Variants in NRCAM observed in about 807,000 individuals in gnomAD.
NRCAM encodes NgCAM-related cell adhesion molecule.
A neutral mutation model predicts 156.5 loss-of-function variants in NRCAM; 83 were observed. The ratio of observed to expected loss-of-function variants is 0.53; its 90% CI spans 0.44 to 0.64. NRCAM has a LOEUF of 0.64. Among genes scored for constraint, NRCAM ranks in the 30% least tolerant of loss-of-function variants. The pLI, the probability that NRCAM is intolerant of heterozygous loss-of-function variation, is 0.00. For missense variants in NRCAM, 1,417 were observed against 1,597.3 expected (o/e 0.89, Z 1.92); for synonymous variants, 538 against 563.9 (o/e 0.95, Z 0.65).
At chr7:108,307,694 C>A (rs11768003) in intron 3 of NRCAM, among the ~76,000 whole-genome samples, 5 of 149,070 alleles carry the variant, frequency 3.4e-5, no homozygotes, top group Non-Finnish European at 5.9e-5. Context: ...AAAAAAAAAA[C>A]CCAAGCATCT....
chr7:108,163,780 G>A (rs984921258), intron 30 of NRCAM, among the ~76,000 whole-genome samples: 1 of 132,516 alleles, frequency 7.5e-6, no homozygotes, highest in Non-Finnish European at 1.6e-5. Flanking sequence ...GTGGGGTGGC[G>A]GTAATGAGAG....
At chr7:108,295,873 G>A (rs2098444347) in intron 3 of NRCAM, among the ~76,000 whole-genome samples, 1 of 152,180 alleles carries the variant, frequency 6.6e-6, no homozygotes, top group Non-Finnish European at 1.5e-5. Flanking sequence ...AGCCTCTGCA[G>A]GGCACAGAGG....
At position 108,249,165 on chromosome 7, in the gene NRCAM, T is replaced by C. The variant is rs534392438; in HGVS notation, c.-106-8995A>G. On this transcript the variant is annotated intron_variant, in intron 3 of 32. Transcript: ENST00000379028. Reference sequence around the variant, plus strand: ...TCACTCCCAACATGTCACAGATTACTACAATCTTCCCAGCCACATTTCAAA... The same window carrying C: ...TCACTCCCAACATGTCACAGATTACCACAATCTTCCCAGCCACATTTCAAA... Among the ~76,000 whole-genome samples, 9 of 152,352 alleles carry C rather than the reference T, an allele frequency of 5.9e-5. No individual in the cohort carries two copies. The East Asian group carries it at 1.7e-3, about 29-fold the overall frequency.
intron 3 of NRCAM, among the ~76,000 whole-genome samples, chr7:108,308,218 C>A (rs1017492534): frequency 3.9e-5 from 6 of 152,342 alleles, no homozygotes; most frequent in Middle Eastern, 3.4e-3. Context: ...CAGGGCAGTG[C>A]CCCTGCCTTT....
chr7:108,412,559 A>G (rs1293929124), intron 1 of NRCAM, among the ~76,000 whole-genome samples: 1 of 152,198 alleles, frequency 6.6e-6, no homozygotes, highest in Non-Finnish European at 1.5e-5. Flanking sequence ...TATGGTAAGA[A>G]CACTTAAAAC....
chr7:108,382,866 A>G (rs2099707863), intron 2 of NRCAM, among the ~76,000 whole-genome samples: 1 of 152,188 alleles, frequency 6.6e-6, no homozygotes, highest in Admixed American at 6.5e-5. Context: ...CCAGAAAAGC[A>G]CTGTGGAACA....
intron 2 of NRCAM, among the ~76,000 whole-genome samples, chr7:108,345,604 T>C (rs2099347505): frequency 6.6e-6 from 1 of 152,022 alleles, no homozygotes; most frequent in Non-Finnish European, 1.5e-5. Flanking sequence ...GTCTTCATGA[T>C]GGGATTAATG....
intron 2 of NRCAM, among the ~76,000 whole-genome samples, chr7:108,331,718 T>C (rs2099129125): frequency 6.6e-6 from 1 of 151,894 alleles, no homozygotes; most frequent in African/African-American, 2.4e-5. Flanking sequence ...GATGATTCTT[T>C]CAGGACTTCA....
At chr7:108,374,125 C>T (rs1378134395) in intron 2 of NRCAM, among the ~76,000 whole-genome samples, 1 of 152,110 alleles carries the variant, frequency 6.6e-6, no homozygotes, top group South Asian at 2.1e-4. Context: ...TAACCTAATA[C>T]TTAGTACTGA....
At chr7:108,431,158 T>C (rs1379652790) in intron 1 of NRCAM, among the ~76,000 whole-genome samples, 1 of 152,232 alleles carries the variant, frequency 6.6e-6, no homozygotes, top group Non-Finnish European at 1.5e-5. Context: ...GCATTGTTTA[T>C]GTCAGCAGGG....
chr7:108,242,068 G>A (rs958769270), intron 3 of NRCAM, among the ~76,000 whole-genome samples: 50 of 151,984 alleles, frequency 3.3e-4, no homozygotes, highest in African/African-American at 1.2e-3. Context: ...AAGGTCAGGA[G>A]TTTGAGACCA....
At chr7:108,375,448 T>C (rs192541975) in intron 2 of NRCAM, among the ~76,000 whole-genome samples, 39 of 152,264 alleles carry the variant, frequency 2.6e-4, no homozygotes, top group African/African-American at 8.9e-4. Context: ...CCACTGCCAA[T>C]GTTAGCACAT....
chr7:108,255,319 G>A (rs898631199), intron 3 of NRCAM, among the ~76,000 whole-genome samples: 4 of 152,232 alleles, frequency 2.6e-5, no homozygotes, highest in Non-Finnish European at 4.4e-5. Context: ...GGTGTGCGCC[G>A]CCACGCCTGA....
chr7:108,194,346 G>C lies in NRCAM; in HGVS notation c.1546C>G (p.Gln516Glu). 1 of 1,613,064 alleles carries C rather than the reference G, an allele frequency of 6.2e-7. No homozygotes were observed. Among genetic ancestry groups the C allele is most frequent in the Non-Finnish European group, 8.5e-7 (1 of 1,179,340 alleles). The change falls in exon 16 of 33, where the codon CAA becomes GAA. Residue 516 changes from glutamine (Q) to glutamate (E), a missense_variant. Gln to Glu is a conservative substitution (Grantham distance 29, BLOSUM62 2). This residue lies in a region of NRCAM where 1,238 missense variants were observed against 1,336.4 expected (regional missense o/e 0.93). Transcript: ENST00000379028. ...GTATAAGTTCCTGTACTGTCCTTTT[G>C]GGCCACAGGAATTTCCAAAGTTCCA... is the stretch of plus-strand genomic sequence containing the variant. ...ENGTLEIPVA[Q>E]KDSTGTYTCV...
rs1292917918 is a variant in NRCAM at position 108,299,105 on chromosome 7, C to CAAAAAAAAAAAAAAAA, written c.-107+13559_-107+13560insTTTTTTTTTTTTTTTT. 1.1e-3 allele frequency among the ~76,000 whole-genome samples: 18 copies of CAAAAAAAAAAAAAAAA among 16,946 alleles called. 1 individual carries two copies. Among genetic ancestry groups the CAAAAAAAAAAAAAAAA allele is most frequent in the Non-Finnish European group, 1.7e-3 (15 of 8,670 alleles). The allele number at this position is 16,946 out of a possible 152,430, so 11.1% of individuals were successfully genotyped here. A position where few individuals can be genotyped will look rare whatever the true frequency, so the allele number is the denominator to read the frequency against. ...TGGGCCACAGAGCAAGACTCCATCT[C>CAAAAAAAAAAAAAAAA]AAAAAAAAAAAAGAAAGAAAGAAAG... On this transcript the variant is annotated intron_variant, in intron 3 of 32. Transcript: ENST00000379028.
At chr7:108,332,580 A>G (rs2099137811) in intron 2 of NRCAM, among the ~76,000 whole-genome samples, 1 of 152,220 alleles carries the variant, frequency 6.6e-6, no homozygotes, top group African/African-American at 2.4e-5. Context: ...TGTGACAACT[A>G]AGAACGATTC....
At chr7:108,237,674 A>T in intron 5 of NRCAM, 78 bp downstream of exon 5, 1 of 1,093,400 alleles carries the variant, frequency 9.1e-7, no homozygotes, top group Non-Finnish European at 1.3e-6. Context: ...TTGTGCATTT[A>T]AATCACAATA....
rs1237722534 is a variant in NRCAM at position 108,149,975 on chromosome 7, G to A, written c.3850C>T (p.Pro1284Ser). 4 of 1,613,802 alleles carry A rather than the reference G, an allele frequency of 2.5e-6. No individual in the cohort carries two copies. In the African/African-American group the frequency reaches 5.3e-5, roughly 22 times the overall value. Residue 1284 changes from proline (P) to serine (S), a missense_variant, in exon 33 of 33, where the codon CCG (proline) becomes TCG (serine). Pro to Ser is a moderately conservative substitution (Grantham distance 74, BLOSUM62 -1). This residue lies in a region of NRCAM where 179 missense variants were observed against 260.9 expected (regional missense o/e 0.69). Transcript: ENST00000379028. Reference protein sequence around the residue: ...GQYSGKKEKEPAEGNESSEAP... With the variant: ...GQYSGKKEKESAEGNESSEAP... ...TCTGAGCTTTCGTTTCCTTCAGCCGGCTCTTTCTCTTTCTTACCACTGTAT... is the reference window on the plus strand; with the variant it reads ...TCTGAGCTTTCGTTTCCTTCAGCCGACTCTTTCTCTTTCTTACCACTGTAT...
intron 1 of NRCAM, among the ~76,000 whole-genome samples, chr7:108,427,135 C>T (rs945343564): frequency 3.9e-5 from 6 of 152,138 alleles, no homozygotes; most frequent in African/African-American, 1.4e-4. Context: ...TCCTAGGGCA[C>T]CTGAAGGCCC....
Sources: gnomAD v4.1 joint callset for allele counts (sites outside exome capture counted in the v4.1 genomes callset) on GRCh38, gnomAD v4.1.1 for gene constraint, gnomAD v4.1.1 regional missense constraint, MANE v1.5 for transcripts, NCBI Gene and HGNC (gene_info 2026-07-23, HGNC 2026-07-21) for gene names.